EPB41: variants seen among roughly 807,000 people sequenced by gnomAD.
The protein encoded by EPB41 is protein 4.1.
Under a neutral mutation model 108.0 loss-of-function variants are expected in EPB41, and 65 were observed. The observed-to-expected ratio is 0.60, with a 90% CI of 0.49 to 0.74. EPB41 has a LOEUF of 0.74. Ranked by LOEUF, EPB41 falls within the 30% of genes least tolerant of loss-of-function variation. The pLI, the probability that EPB41 is intolerant of heterozygous loss-of-function variation, is 0.00. For missense variants in EPB41, 875 were observed against 1,037.0 expected (o/e 0.84, Z 2.15); for synonymous variants, 336 against 358.9 (o/e 0.94, Z 0.72).
intron 4 of EPB41, among the ~76,000 whole-genome samples, chr1:29,004,628 G>A (rs1205504853): frequency 6.6e-6 from 1 of 152,216 alleles, no homozygotes; most frequent in Admixed American, 6.5e-5. Flanking sequence ...AGAGTAGGGA[G>A]GCTGCATTTG....
intron 16 of EPB41, chr1:29,070,580 C>T: frequency 1.6e-6 from 2 of 1,232,040 alleles, no homozygotes; most frequent in Non-Finnish European, 2.0e-6. Flanking sequence ...TCTCGTGATC[C>T]TTGTGTTGGC....
intron 4 of EPB41, 50 bp downstream of exon 4, chr1:28,997,369 T>C: frequency 8.7e-7 from 1 of 1,145,470 alleles, no homozygotes; most frequent in Non-Finnish European, 1.3e-6. Context: ...TTTATTTTAA[T>C]TCTTTTGTTG....
chr1:28,967,810 C>CTTT (rs1278947795), intron 1 of EPB41, among the ~76,000 whole-genome samples: 17 of 121,164 alleles, frequency 1.4e-4, no homozygotes, highest in African/African-American at 4.3e-4. Context: ...TGGGCCTTGT[C>CTTT]TTTTTTTTTT....
At chr1:28,895,025 C>T (rs548400623) in intron 1 of EPB41, among the ~76,000 whole-genome samples, 1 of 152,296 alleles carries the variant, frequency 6.6e-6, no homozygotes, top group East Asian at 1.9e-4. Context: ...CCAGCTCTGC[C>T]ACTCTCGCTG....
chr1:28,898,627 A>C (rs1570077675), intron 1 of EPB41, among the ~76,000 whole-genome samples: 4 of 151,858 alleles, frequency 2.6e-5, no homozygotes, highest in Non-Finnish European at 5.9e-5. Flanking sequence ...CTTCCCCTTT[A>C]CCTCTCCTGG....
chr1:29,004,995 TC>T (rs779003553), intron 4 of EPB41, among the ~76,000 whole-genome samples: 4 of 152,162 alleles, frequency 2.6e-5, no homozygotes, highest in East Asian at 3.8e-4. Flanking sequence ...GGAATGGAGT[TC>T]TTTTTTTTAA....
chr1:29,064,352 G>A (rs1646997790), intron 15 of EPB41, among the ~76,000 whole-genome samples: 1 of 152,168 alleles, frequency 6.6e-6, no homozygotes, highest in African/African-American at 2.4e-5. Context: ...GTAACAGTCT[G>A]CTCTGGAGCC....
upstream of EPB41, among the ~76,000 whole-genome samples, chr1:28,912,902 C>T (rs2092331135): frequency 6.6e-6 from 1 of 152,046 alleles, no homozygotes; most frequent in East Asian, 1.9e-4. Flanking sequence ...CAGGCATGAG[C>T]CACCATGCCT....
intron 11 of EPB41, among the ~76,000 whole-genome samples, chr1:29,041,992 G>A (rs778798862): frequency 6.6e-6 from 1 of 152,128 alleles, no homozygotes; most frequent in Non-Finnish European, 1.5e-5. Context: ...TTAAGATGCT[G>A]TTTTTCTGGC....
At chr1:29,111,703 A>G (rs1669231284) in intron 18 of EPB41, among the ~76,000 whole-genome samples, 1 of 151,336 alleles carries the variant, frequency 6.6e-6, no homozygotes, top group Admixed American at 6.6e-5. Flanking sequence ...TCAAGGCTGG[A>G]TGTGGTGGCT....
intron 7 of EPB41, among the ~76,000 whole-genome samples, chr1:29,019,002 C>T (rs990046594): frequency 1.6e-4 from 25 of 152,186 alleles, no homozygotes; most frequent in African/African-American, 4.8e-4. Flanking sequence ...GAAATCTTGA[C>T]GTTGGTTCCA....
chr1:29,093,842 T>A (rs1573862529), intron 16 of EPB41, among the ~76,000 whole-genome samples: 2 of 152,032 alleles, frequency 1.3e-5, no homozygotes, highest in Non-Finnish European at 1.5e-5. Context: ...GAGGCGGAGG[T>A]TGCAGTGAGC....
chr1:28,918,774 G>A (rs1258929509), intron 1 of EPB41, among the ~76,000 whole-genome samples: 2 of 152,210 alleles, frequency 1.3e-5, no homozygotes, highest in African/African-American at 2.4e-5. Context: ...AAAAGAAAAA[G>A]TAATTGCTTG....
intron 4 of EPB41, 79 bp from the exon 5 acceptor site, chr1:29,011,786 A>C: frequency 6.8e-7 from 1 of 1,466,596 alleles, no homozygotes; most frequent in Non-Finnish European, 9.5e-7. Context: ...ATTTGAAGAT[A>C]GTCAGTGATC....
intron 16 of EPB41, among the ~76,000 whole-genome samples, chr1:29,090,767 A>AT (rs1660901121): frequency 6.6e-6 from 1 of 152,140 alleles, no homozygotes; most frequent in Non-Finnish European, 1.5e-5. Flanking sequence ...AAAAGAAATG[A>AT]TAGAGGAAGT....
intron 1 of EPB41, among the ~76,000 whole-genome samples, chr1:28,962,610 A>C (rs2095251433): frequency 6.6e-6 from 1 of 150,936 alleles, no homozygotes; most frequent in Non-Finnish European, 1.5e-5. Flanking sequence ...ACTCTAATCT[A>C]CTTTCTGTCT....
At chr1:29,047,781 TG>T (rs1360169385) in intron 11 of EPB41, among the ~76,000 whole-genome samples, 12 of 152,006 alleles carry the variant, frequency 7.9e-5, no homozygotes, top group African/African-American at 2.9e-4. Flanking sequence ...TATGTATGTA[TG>T]TATGTATGTA....
chr1:28,966,853 T>G (rs1162290525), intron 1 of EPB41, among the ~76,000 whole-genome samples: 3 of 152,152 alleles, frequency 2.0e-5, no homozygotes, highest in Non-Finnish European at 4.4e-5. Flanking sequence ...TTGCAAGGAC[T>G]TTGCCCTTTA....
intron 11 of EPB41, among the ~76,000 whole-genome samples, chr1:29,042,492 T>G (rs1000121131): frequency 7.2e-5 from 11 of 152,046 alleles, no homozygotes; most frequent in African/African-American, 2.7e-4. Context: ...TGTTTTGTTT[T>G]TTTTGAGACA....
Sources: gnomAD v4.1 joint callset for allele counts (sites outside exome capture counted in the v4.1 genomes callset) on GRCh38, gnomAD v4.1.1 for gene constraint, MANE v1.5 for transcripts, NCBI Gene and HGNC (gene_info 2026-07-23, HGNC 2026-07-21) for gene names.